The following GBE1 variants were observed in gnomAD, a reference collection of about 807,000 sequenced individuals.
The protein encoded by GBE1 is 1,4-alpha-glucan-branching enzyme.
In GBE1, 70 loss-of-function variants were observed where a neutral mutation model predicts 88.8. That is an observed-to-expected ratio of 0.79 (90% CI 0.65 to 0.96). The LOEUF (loss-of-function observed/expected upper bound fraction) is 0.96. Ranked by LOEUF, GBE1 falls within the 40% of genes least tolerant of loss-of-function variation. The pLI is 0.00. For missense variants in GBE1, 872 were observed against 871.0 expected, an observed-to-expected ratio of 1.00 and a Z score of -0.01; for synonymous variants, 284 against 300.1, an observed-to-expected ratio of 0.95 and a Z score of 0.56.
At chr3:81,727,800 T>G (rs966736098) in intron 1 of GBE1, among the ~76,000 whole-genome samples, 1 of 152,186 alleles carries the variant, frequency 6.6e-6, no homozygotes, top group Non-Finnish European at 1.5e-5. Flanking sequence ...GAAAATAAAT[T>G]CATGCTGAAT....
intron 1 of GBE1, among the ~76,000 whole-genome samples, chr3:81,717,508 G>A (rs1159228561): frequency 1.3e-5 from 2 of 152,118 alleles, no homozygotes; most frequent in African/African-American, 4.8e-5. Flanking sequence ...TGTCTTTTCT[G>A]TCTTTCAATA....
chr3:81,602,990 C>T, intron 7 of GBE1, among the ~76,000 whole-genome samples: 1 of 152,160 alleles, frequency 6.6e-6, no homozygotes, highest in East Asian at 1.9e-4. Flanking sequence ...ACTCTGCTTA[C>T]TCTCTGCCTG....
At chr3:81,507,109 C>T (rs1702665020) in intron 14 of GBE1, among the ~76,000 whole-genome samples, 1 of 151,756 alleles carries the variant, frequency 6.6e-6, no homozygotes. Context: ...ATTTTAATTA[C>T]TTTTCAAAAC....
intron 1 of GBE1, among the ~76,000 whole-genome samples, chr3:81,728,505 A>G (rs1039079468): frequency 1.3e-5 from 2 of 152,216 alleles, no homozygotes; most frequent in African/African-American, 2.4e-5. Flanking sequence ...GTAATAACAG[A>G]AAAGAAACTG....
chr3:81,635,578 T>C (rs1336085497), intron 7 of GBE1, among the ~76,000 whole-genome samples: 1 of 152,158 alleles, frequency 6.6e-6, no homozygotes, highest in Non-Finnish European at 1.5e-5. Flanking sequence ...TAGTCTATTC[T>C]GTAGAAAATA....
rs1236240460 is a variant in GBE1, at chr3:81,490,199, CTAG to C, written c.*205_*207del. The C allele has an allele frequency of 1.8e-6, 1 of 544,830 alleles. No homozygotes were observed. The highest frequency in any genetic ancestry group is 3.2e-5 in the East Asian group (1 of 31,350). The allele number at this position is 544,830 out of a possible 1,614,324, so 33.7% of individuals were successfully genotyped here. On this transcript the variant is annotated 3_prime_UTR_variant, in exon 16 of 16. Coordinates refer to ENST00000429644, the MANE Select transcript of GBE1 (RefSeq NM_000158.4). ...TGCTAAGATGACTTGAAAATATGGT[CTAG>C]GATTCCTAATATTTTAAACATATTC...
chr3:81,618,251 T>G (rs1032415476), intron 7 of GBE1, among the ~76,000 whole-genome samples: 1 of 152,120 alleles, frequency 6.6e-6, no homozygotes, highest in African/African-American at 2.4e-5. Flanking sequence ...GTTTTCTAAT[T>G]AATAAACTTG....
At chr3:81,537,580 A>G (rs1703094417) in intron 12 of GBE1, among the ~76,000 whole-genome samples, 1 of 152,030 alleles carries the variant, frequency 6.6e-6, no homozygotes, top group Non-Finnish European at 1.5e-5. Flanking sequence ...TGGCCAGTTA[A>G]GAGACTTGCC....
At chr3:81,640,540 C>T (rs909488890) in intron 7 of GBE1, among the ~76,000 whole-genome samples, 8 of 151,894 alleles carry the variant, frequency 5.3e-5, no homozygotes, top group Non-Finnish European at 1.0e-4. Context: ...TTGCAGATGA[C>T]CTATTGTGGG....
chr3:81,646,629 A>AT (rs1167941725), intron 5 of GBE1, 147 bp from the exon 6 acceptor site: 2 of 570,992 alleles, frequency 3.5e-6, no homozygotes, highest in Admixed American at 3.8e-5. Flanking sequence ...CTACTTTAAC[A>AT]TTTTTTTGTT....
intron 10 of GBE1, among the ~76,000 whole-genome samples, chr3:81,584,846 G>A (rs371068355): frequency 3.3e-5 from 5 of 151,564 alleles, no homozygotes; most frequent in South Asian, 4.2e-4. Context: ...CTAGGTTGAC[G>A]TACACCTTAA....
intron 1 of GBE1, among the ~76,000 whole-genome samples, chr3:81,706,896 T>C (rs114975979): frequency 0.023 from 3,544 of 151,558 alleles, 58 homozygotes; most frequent in South Asian, 0.066. Flanking sequence ...ATAGCAAAAA[T>C]AGCAAATTAT....
At chr3:81,673,621 C>T (rs1388651849) in intron 2 of GBE1, among the ~76,000 whole-genome samples, 1 of 151,760 alleles carries the variant, frequency 6.6e-6, no homozygotes, top group Non-Finnish European at 1.5e-5. Context: ...AGTTCTTTAG[C>T]TTGGTATCAA....
At chr3:81,511,487 C>G (rs1375120681) in intron 14 of GBE1, among the ~76,000 whole-genome samples, 1 of 151,518 alleles carries the variant, frequency 6.6e-6, no homozygotes, top group African/African-American at 2.4e-5. Context: ...ACTCAACAAG[C>G]GAAAACCAAA....
At chr3:81,734,315 G>A (rs1420002508) in intron 1 of GBE1, among the ~76,000 whole-genome samples, 2 of 152,086 alleles carry the variant, frequency 1.3e-5, no homozygotes, top group Non-Finnish European at 2.9e-5. Context: ...GTATTTTAGA[G>A]GTCTGATACT....
chr3:81,656,075 G>T (rs932452011), intron 3 of GBE1, among the ~76,000 whole-genome samples: 2 of 152,096 alleles, frequency 1.3e-5, no homozygotes, highest in African/African-American at 4.8e-5. Context: ...TAACATTAAT[G>T]AAGCTTATGT....
At chr3:81,712,038 GAC>G (rs1705875849) in intron 1 of GBE1, among the ~76,000 whole-genome samples, 1 of 152,114 alleles carries the variant, frequency 6.6e-6, no homozygotes, top group Admixed American at 6.6e-5. Context: ...GCAGCCAAAA[GAC>G]ACATGAAAAA....
chr3:81,541,267 T>G (rs1703139120), intron 12 of GBE1, among the ~76,000 whole-genome samples: 1 of 151,416 alleles, frequency 6.6e-6, no homozygotes, highest in African/African-American at 2.4e-5. Flanking sequence ...AAGTAACTGC[T>G]CCCCAGGAAA....
At chr3:81,648,135 C>T (rs1194562510) in intron 5 of GBE1, among the ~76,000 whole-genome samples, 1 of 152,086 alleles carries the variant, frequency 6.6e-6, no homozygotes, top group Non-Finnish European at 1.5e-5. Context: ...GCCTTACAAA[C>T]CTTTCTTCTA....
Sources: allele counts gnomAD v4.1 joint callset (sites outside exome capture counted in the v4.1 genomes callset), GRCh38; gene constraint gnomAD v4.1.1; transcripts MANE v1.5; gene names NCBI Gene and HGNC (gene_info 2026-07-23, HGNC 2026-07-21).